PDE6A: variants seen among roughly 807,000 people sequenced by gnomAD.
PDE6A encodes phosphodiesterase 6A.
Under a neutral mutation model 106.3 loss-of-function variants are expected in PDE6A, and 84 were observed. The ratio of observed to expected loss-of-function variants is 0.79; its 90% CI spans 0.66 to 0.95. The LOEUF is 0.95. PDE6A is among the 40% of genes least tolerant of loss of function. The pLI is 0.00. For missense variants in PDE6A, 1,052 were observed against 1,084.9 expected, an observed-to-expected ratio of 0.97 and a Z score of 0.43; for synonymous variants, 394 against 386.6, an observed-to-expected ratio of 1.02 and a Z score of -0.23.
At position 149,884,508 on chromosome 5, in the gene PDE6A, G is replaced by A; in HGVS notation, c.1998C>T (p.Ile666=). 1 of 1,613,434 alleles carries A rather than the reference G, an allele frequency of 6.2e-7. No homozygotes were observed. ...AATACAGGGCGAGGTCTGTGGCAAT[G>A]ATTGCAATGTCCATCATGTGGATGG... ...EHAIHMMDIA[I]IATDLALYFK... Residue 666 remains isoleucine, a synonymous_variant, in exon 16 of 22, where the codon ATC becomes ATT. Transcript: ENST00000255266.
chr5:149,931,376 A>G (rs1186111523), intron 3 of PDE6A, among the ~76,000 whole-genome samples: 1 of 151,058 alleles, frequency 6.6e-6, no homozygotes, highest in African/African-American at 2.4e-5. Flanking sequence ...GCTTTGGTTG[A>G]CAGTTTATTA....
At position 149,934,019 on chromosome 5, in the gene PDE6A, T is replaced by G; in HGVS notation, c.628A>C (p.Ile210Leu). Residue 210 changes from isoleucine to leucine, a missense_variant and splice_region_variant, in exon 3 of 22, where the codon ATT (isoleucine) becomes CTT (leucine). Ile to Leu is a conservative substitution (Grantham distance 5). Around this residue, in one of 3 missense-constraint regions of PDE6A, gnomAD observed 913 missense variants for 915.2 expected, o/e 1.00. Transcript: ENST00000255266. ...GSHFTKRDEE[I>L]LLKYLNFANL... ...GCAAAATTGAGGTACTTGAGAAGAATCTAAAAATCAAACAGCATGAGGGGA... is the reference window on the plus strand; with the variant it reads ...GCAAAATTGAGGTACTTGAGAAGAAGCTAAAAATCAAACAGCATGAGGGGA... 6.4e-7 allele frequency: 1 copy of G among 1,561,110 alleles called. No individual in the cohort carries two copies. Among genetic ancestry groups the G allele is most frequent in the Non-Finnish European group, 8.8e-7 (1 of 1,132,000 alleles).
At chr5:149,882,193 G>A (rs1013978599) in intron 17 of PDE6A, among the ~76,000 whole-genome samples, 1 of 151,984 alleles carries the variant, frequency 6.6e-6, no homozygotes, top group African/African-American at 2.4e-5. Flanking sequence ...CCAGAATCAG[G>A]GGACCTTTGT....
At chr5:149,928,685 G>A (rs183252108) in intron 4 of PDE6A, among the ~76,000 whole-genome samples, 1 of 152,186 alleles carries the variant, frequency 6.6e-6, no homozygotes, top group African/African-American at 2.4e-5. Flanking sequence ...CATGGTATAG[G>A]CGGGCCATCA....
intron 7 of PDE6A, 76 bp downstream of exon 7, chr5:149,907,236 C>T (rs1753226301): frequency 8.9e-7 from 1 of 1,129,806 alleles, no homozygotes; most frequent in East Asian, 2.3e-5. Flanking sequence ...TTTCCACTCT[C>T]TTCTTGATCT....
rs1561679951 is a variant in PDE6A at position 149,868,111 on chromosome 5, C to T, written c.2183G>A (p.Trp728Ter). The T allele has an allele frequency of 6.2e-7, 1 of 1,614,060 alleles. No homozygotes were observed. Among genetic ancestry groups the T allele is most frequent in the Admixed American group, 1.7e-5 (1 of 59,998 alleles). The change falls in exon 18 of 22, where the codon TGG becomes TAG. Residue 728 changes from tryptophan to a stop codon, truncating the protein, a stop_gained. Transcript: ENST00000255266. LOFTEE classifies it high-confidence loss of function. ...AGTTCATACCTGGCTCTGCACCTCC[C>T]AGGGTTTGGTGATGGCTGAGAGATC... Reference protein sequence around the residue: ...ACDLSAITKPWEVQSQVALLV... With the variant: ...ACDLSAITKP
At chr5:149,881,344 C>T (rs1299001908) in intron 17 of PDE6A, among the ~76,000 whole-genome samples, 1 of 152,150 alleles carries the variant, frequency 6.6e-6, no homozygotes, top group Non-Finnish European at 1.5e-5. Context: ...TGGAATCAAC[C>T]TAGGTGCTCA....
At chr5:149,929,191 A>G (rs1753954032) in intron 4 of PDE6A, among the ~76,000 whole-genome samples, 1 of 152,232 alleles carries the variant, frequency 6.6e-6, no homozygotes, top group South Asian at 2.1e-4. Context: ...TATTAATAAT[A>G]GATCAGATCT....
rs754177201 is a variant in PDE6A at position 149,896,456 on chromosome 5, T to C, written c.1520A>G (p.His507Arg). ...DADKYEINKF[H>R]FSDLPLTELE... ...TTCTGTTAGGGGTAAGTCACTGAAGTGAAATTTATTAATTTCGTATTTATC... is the reference window on the plus strand; with the variant it reads ...TTCTGTTAGGGGTAAGTCACTGAAGCGAAATTTATTAATTTCGTATTTATC... Residue 507 changes from histidine to arginine, a missense_variant, in exon 12 of 22, where the codon CAC becomes CGC. This residue lies in a region of PDE6A where 913 missense variants were observed against 915.2 expected (regional missense o/e 1.00). Transcript: ENST00000255266. 3.1e-6 allele frequency: 5 copies of C among 1,613,922 alleles called. No homozygotes were observed. The highest frequency in any genetic ancestry group is 4.2e-6 in the Non-Finnish European group (5 of 1,179,776).
chr5:149,938,073 G>T (rs1754233436), intron 1 of PDE6A, among the ~76,000 whole-genome samples: 1 of 152,116 alleles, frequency 6.6e-6, no homozygotes, highest in Admixed American at 6.5e-5. Context: ...GGTTCTCATG[G>T]TATAGTGGAA....
intron 6 of PDE6A, among the ~76,000 whole-genome samples, chr5:149,908,060 A>G (rs761393003): frequency 4.6e-5 from 7 of 152,198 alleles, no homozygotes; most frequent in Non-Finnish European, 8.8e-5. Context: ...TTTAGCTTCT[A>G]AGCATGTTTT....
At chr5:149,928,984 A>C (rs771749383) in intron 4 of PDE6A, among the ~76,000 whole-genome samples, 1 of 152,234 alleles carries the variant, frequency 6.6e-6, no homozygotes, top group African/African-American at 2.4e-5. Flanking sequence ...AAAGTTACTA[A>C]GAATAATAAT....
chr5:149,895,100 G>T (rs1036293097), intron 13 of PDE6A, 83 bp downstream of exon 13: 26 of 829,574 alleles, frequency 3.1e-5, no homozygotes, highest in Non-Finnish European at 3.0e-5. Context: ...GAAGAACAAC[G>T]CTGTTGCTAC....
chr5:149,895,227 G>A lies in PDE6A; in HGVS notation c.1684C>T (p.Arg562Trp), dbSNP rs759589388. 8.7e-6 allele frequency: 14 copies of A among 1,613,926 alleles called. No individual in the cohort carries two copies. Among genetic ancestry groups the A allele is most frequent in the East Asian group, 2.2e-5 (1 of 44,892 alleles). ...GYRKITYHNW[R>W]HGFNVGQTMF... ...GTCTGCCCCACGTTGAAGCCGTGCC[G>A]CCAGTTGTGGTAGGTGATCTTGCGG... is the stretch of plus-strand genomic sequence containing the variant. Residue 562 changes from arginine (R) to tryptophan (W), a missense_variant, in exon 13 of 22, where the codon CGG (arginine) becomes TGG (tryptophan). Coordinates refer to ENST00000255266, the MANE Select transcript of PDE6A (RefSeq NM_000440.3).
chr5:149,908,027 G>A (rs1753256103), intron 6 of PDE6A, among the ~76,000 whole-genome samples: 1 of 152,072 alleles, frequency 6.6e-6, no homozygotes, highest in African/African-American at 2.4e-5. Flanking sequence ...ATGCTAAATT[G>A]CATTTTTGCT....
intron 17 of PDE6A, among the ~76,000 whole-genome samples, chr5:149,876,158 A>G (rs931988711): frequency 6.6e-6 from 1 of 152,166 alleles, no homozygotes; most frequent in African/African-American, 2.4e-5. Context: ...TTAAGTTATT[A>G]TTACACAATT....
At chr5:149,872,920 T>C (rs1170306826) in intron 17 of PDE6A, among the ~76,000 whole-genome samples, 1 of 152,116 alleles carries the variant, frequency 6.6e-6, no homozygotes, top group African/African-American at 2.4e-5. Flanking sequence ...GCCTACATAG[T>C]CCCTACTGCA....
intron 11 of PDE6A, 99 bp downstream of exon 11, chr5:149,896,612 G>A: frequency 1.2e-6 from 2 of 1,613,750 alleles, no homozygotes; most frequent in East Asian, 2.2e-5. Flanking sequence ...TCAGAACAGA[G>A]TGATGGGGAA....
chr5:149,900,719 T>C (rs761587910), intron 8 of PDE6A, among the ~76,000 whole-genome samples: 6 of 151,894 alleles, frequency 4.0e-5, no homozygotes, highest in Non-Finnish European at 8.8e-5. Flanking sequence ...GGTGAGAGAG[T>C]GTCTCCAAAA....
Sources: allele counts gnomAD v4.1 joint callset (sites outside exome capture counted in the v4.1 genomes callset), GRCh38; gene constraint gnomAD v4.1.1; regional missense constraint gnomAD v4.1.1; transcripts MANE v1.5; gene names NCBI Gene and HGNC (gene_info 2026-07-23, HGNC 2026-07-21).